Variants in GNA14 observed in about 807,000 individuals in gnomAD.
GNA14 encodes guanine nucleotide-binding protein subunit alpha-14.
GNA14 carries 50 observed loss-of-function variants against 42.0 expected under a neutral mutation model. The ratio of observed to expected loss-of-function variants is 1.19; its 90% CI spans 0.95 to 1.51. The LOEUF is 1.51. Among genes scored for constraint, GNA14 ranks in the 40% most tolerant of loss-of-function variants. The pLI, the probability that GNA14 is intolerant of heterozygous loss-of-function variation, is 0.00. For missense variants in GNA14, 473 were observed against 446.2 expected (o/e 1.06, Z -0.54); for synonymous variants, 173 against 163.1 (o/e 1.06, Z -0.46).
chr9:77,445,178 G>A (rs2131699480), intron 2 of GNA14, among the ~76,000 whole-genome samples: 1 of 152,328 alleles, frequency 6.6e-6, no homozygotes, highest in Admixed American at 6.5e-5. Context: ...ATGGCTTCCT[G>A]CCTGTGCTTG....
intron 1 of GNA14, among the ~76,000 whole-genome samples, chr9:77,620,230 C>T (rs1823898858): frequency 6.6e-6 from 1 of 152,150 alleles, no homozygotes; most frequent in East Asian, 1.9e-4. Context: ...CCAGCCTTTT[C>T]ATTTTACTGA....
chr9:77,442,454 G>T (rs1275579937), intron 2 of GNA14, among the ~76,000 whole-genome samples: 2 of 152,226 alleles, frequency 1.3e-5, no homozygotes, highest in Non-Finnish European at 1.5e-5. Flanking sequence ...TGCCCAAGCA[G>T]ATGAGCCCTG....
intron 2 of GNA14, among the ~76,000 whole-genome samples, chr9:77,490,369 C>G (rs1321166043): frequency 1.3e-5 from 2 of 152,242 alleles, no homozygotes; most frequent in Non-Finnish European, 2.9e-5. Context: ...CTGCCTGTCC[C>G]GTGCCATGCG....
chr9:77,636,869 TC>T (rs1183414086), intron 1 of GNA14, among the ~76,000 whole-genome samples: 1 of 152,168 alleles, frequency 6.6e-6, no homozygotes. Context: ...AAGCCAATGT[TC>T]CATGGAGAGT....
intron 1 of GNA14, among the ~76,000 whole-genome samples, chr9:77,620,086 GCA>G (rs147182433): frequency 0.017 from 2,507 of 151,674 alleles, 78 homozygotes; most frequent in African/African-American, 0.058. Flanking sequence ...ACGTGTGTGT[GCA>G]CACACACACA....
chr9:77,628,616 C>A (rs181539084), intron 1 of GNA14, among the ~76,000 whole-genome samples: 1 of 151,918 alleles, frequency 6.6e-6, no homozygotes, highest in African/African-American at 2.4e-5. Context: ...TTGACCAACC[C>A]GACAAAAACA....
intron 2 of GNA14, among the ~76,000 whole-genome samples, chr9:77,494,699 T>C (rs1797577282): frequency 6.6e-6 from 1 of 152,230 alleles, no homozygotes. Flanking sequence ...TATTGAGCTG[T>C]AAGTATTTAA....
intron 1 of GNA14, among the ~76,000 whole-genome samples, chr9:77,610,814 A>G (rs868592223): frequency 2.0e-5 from 3 of 152,180 alleles, no homozygotes; most frequent in African/African-American, 7.2e-5. Context: ...TGTAAGATGT[A>G]AGAAGACTGG....
intron 6 of GNA14, among the ~76,000 whole-genome samples, chr9:77,424,491 G>A (rs2131684485): frequency 6.6e-6 from 1 of 152,258 alleles, no homozygotes; most frequent in Non-Finnish European, 1.5e-5. Flanking sequence ...CCAAAGTGCT[G>A]GGATTACAGG....
intron 5 of GNA14, among the ~76,000 whole-genome samples, chr9:77,426,466 G>A (rs1219915416): frequency 6.6e-6 from 1 of 151,930 alleles, no homozygotes; most frequent in Non-Finnish European, 1.5e-5. Flanking sequence ...CACCACACCC[G>A]GCTAATTTTT....
intron 2 of GNA14, among the ~76,000 whole-genome samples, chr9:77,509,295 G>A (rs1837121772): frequency 6.6e-6 from 1 of 152,126 alleles, no homozygotes; most frequent in Admixed American, 6.6e-5. Flanking sequence ...TCTTTTTGAG[G>A]CCGAATCATA....
intron 1 of GNA14, among the ~76,000 whole-genome samples, chr9:77,557,536 G>T (rs563505292): frequency 6.6e-6 from 1 of 152,278 alleles, no homozygotes; most frequent in Admixed American, 6.5e-5. Flanking sequence ...GATATGAATG[G>T]CCCACGCTTG....
At chr9:77,577,440 C>A (rs1280720468) in intron 1 of GNA14, among the ~76,000 whole-genome samples, 1 of 152,152 alleles carries the variant, frequency 6.6e-6, no homozygotes, top group East Asian at 1.9e-4. Flanking sequence ...CGATATTTAA[C>A]AAGTGGGTCT....
intron 2 of GNA14, among the ~76,000 whole-genome samples, chr9:77,510,177 G>A (rs1413655275): frequency 6.6e-6 from 1 of 151,956 alleles, no homozygotes; most frequent in East Asian, 1.9e-4. Flanking sequence ...TCTCTCTATT[G>A]ATTTGCCTGT....
rs1374795276 is a variant in GNA14, at chr9:77,647,985, G to A, written c.-192C>T. The A allele has an allele frequency of 9.6e-6, 6 of 624,532 alleles. No homozygotes were observed. The highest frequency in any genetic ancestry group is 6.6e-5 in the Admixed American group (2 of 30,272). The allele number at this position is 624,532 out of a possible 1,614,324, so 38.7% of individuals were successfully genotyped here. A position where few individuals can be genotyped will look rare whatever the true frequency, so the allele number is the denominator to read the frequency against. On this transcript the variant is annotated 5_prime_UTR_variant, in exon 1 of 7. Coordinates refer to ENST00000341700, the MANE Select transcript of GNA14 (RefSeq NM_004297.4). ...CCCCTTCGAAAGTCGGCTCTGAGGC[G>A]GGGTGAATGCCGAGCGCTGGGAACG... is the stretch of plus-strand genomic sequence containing the variant.
At chr9:77,520,132 C>T (rs1837331048) in intron 2 of GNA14, among the ~76,000 whole-genome samples, 1 of 152,132 alleles carries the variant, frequency 6.6e-6, no homozygotes, top group East Asian at 1.9e-4. Flanking sequence ...AGAGGGGATG[C>T]TTTCTAGAAT....
intron 2 of GNA14, among the ~76,000 whole-genome samples, chr9:77,516,595 G>A (rs1488859166): frequency 6.6e-6 from 1 of 152,130 alleles, no homozygotes; most frequent in Non-Finnish European, 1.5e-5. Flanking sequence ...GTGTGGTGGT[G>A]TGCACCTGTA....
chr9:77,425,651 G>T lies in GNA14; in HGVS notation c.788C>A (p.Ser263Ter). The change falls in exon 6 of 7, where the codon TCG becomes TAG. Residue 263 changes from serine (S) to a stop codon, truncating the protein, a stop_gained. Coordinates refer to ENST00000341700, the MANE Select transcript of GNA14 (RefSeq NM_004297.4). LOFTEE classifies it high-confidence loss of function. ...TIITYPWFLNSSVILFLNKKD... is the reference protein window; with the variant it reads ...TIITYPWFLN ...CTTGTTCAAGAATAAAATCACAGAC[G>T]AATTCAGAAACCAGGGGTAGGTGAT... 1 of 1,607,372 alleles carries T rather than the reference G, an allele frequency of 6.2e-7. No homozygotes were observed. The highest frequency in any genetic ancestry group is 8.5e-7 in the Non-Finnish European group (1 of 1,173,950).
At chr9:77,539,607 G>T (rs1164716723) in intron 1 of GNA14, among the ~76,000 whole-genome samples, 2 of 152,088 alleles carry the variant, frequency 1.3e-5, no homozygotes, top group African/African-American at 4.8e-5. Context: ...TATACATTTG[G>T]TAGAGTTTGG....
Sources: gnomAD v4.1 joint callset for allele counts (sites outside exome capture counted in the v4.1 genomes callset) on GRCh38, gnomAD v4.1.1 for gene constraint, MANE v1.5 for transcripts, NCBI Gene and HGNC (gene_info 2026-07-23, HGNC 2026-07-21) for gene names.